The following ASIC2 variants were observed in gnomAD, a reference collection of about 807,000 sequenced individuals.
The protein encoded by ASIC2 is acid-sensing ion channel 2.
A neutral mutation model predicts 57.3 loss-of-function variants in ASIC2; 25 were observed. The ratio of observed to expected loss-of-function variants is 0.44; its 90% CI spans 0.32 to 0.61. The LOEUF is 0.61. Ranked by LOEUF, ASIC2 falls within the 20% of genes least tolerant of loss-of-function variation. The pLI is 0.06. For synonymous variants in ASIC2, 319 were observed against 307.5 expected (o/e 1.04, Z -0.39); for missense variants, 641 against 738.1 (o/e 0.87, Z 1.52).
At chr17:34,148,986 T>C (rs1330403495) in intron 1 of ASIC2, among the ~76,000 whole-genome samples, 2 of 152,122 alleles carry the variant, frequency 1.3e-5, no homozygotes, top group East Asian at 3.8e-4. Flanking sequence ...TACACACACA[T>C]GCACACAATA....
At chr17:33,593,451 A>G (rs1904887939) in intron 1 of ASIC2, among the ~76,000 whole-genome samples, 1 of 152,204 alleles carries the variant, frequency 6.6e-6, no homozygotes, top group African/African-American at 2.4e-5. Context: ...CTCAGAAATC[A>G]TCTCTTTCAG....
At chr17:33,846,673 G>A (rs528931953) in intron 1 of ASIC2, among the ~76,000 whole-genome samples, 20 of 151,640 alleles carry the variant, frequency 1.3e-4, no homozygotes, top group South Asian at 1.0e-3. Context: ...CAATAACACC[G>A]TCTACTTCTT....
chr17:33,546,837 C>T (rs770949393), intron 1 of ASIC2, among the ~76,000 whole-genome samples: 1 of 152,184 alleles, frequency 6.6e-6, no homozygotes, highest in Non-Finnish European at 1.5e-5. Context: ...TCACTCCCAG[C>T]TCCTCCTGCA....
At chr17:33,553,722 CA>C (rs1211384598) in intron 1 of ASIC2, among the ~76,000 whole-genome samples, 5 of 151,864 alleles carry the variant, frequency 3.3e-5, no homozygotes, top group African/African-American at 1.2e-4. Flanking sequence ...ATCTTTAACC[CA>C]ATTCATTCTC....
chr17:34,034,422 A>T (rs961207278), intron 1 of ASIC2, among the ~76,000 whole-genome samples: 1 of 152,134 alleles, frequency 6.6e-6, no homozygotes, highest in African/African-American at 2.4e-5. Flanking sequence ...ATGGGCAAAA[A>T]CTCGAAGCAT....
intron 1 of ASIC2, among the ~76,000 whole-genome samples, chr17:33,925,961 C>A (rs1915814012): frequency 1.3e-5 from 2 of 152,116 alleles, no homozygotes. Flanking sequence ...AATGACAAGA[C>A]TTTTTTTAGA....
intron 1 of ASIC2, among the ~76,000 whole-genome samples, chr17:33,619,917 C>T (rs376111912): frequency 4.6e-5 from 7 of 152,046 alleles, no homozygotes; most frequent in African/African-American, 9.6e-5. Flanking sequence ...AGAGCAATTG[C>T]GTCTCAAAAG....
rs371775709 is a variant in ASIC2 at position 33,552,421 on chromosome 17, C to T, written c.556-440354G>A. On this transcript the variant is annotated intron_variant, in intron 1 of 9. Transcript: ENST00000359872. ...CACAAAAGACCTTTGCCAACTCATGCTTTTTGCACTGATTTTTCTCTCCTG... is the reference window on the plus strand; with the variant it reads ...CACAAAAGACCTTTGCCAACTCATGTTTTTTGCACTGATTTTTCTCTCCTG... 7.5e-4 allele frequency among the ~76,000 whole-genome samples: 114 copies of T among 152,252 alleles called. 2 individuals are homozygous for T. Among genetic ancestry groups the T allele is most frequent in the African/African-American group, 2.7e-3 (114 of 41,552 alleles).
chr17:33,863,797 C>A (rs1914156682), intron 1 of ASIC2, among the ~76,000 whole-genome samples: 1 of 152,074 alleles, frequency 6.6e-6, no homozygotes. Flanking sequence ...AAAGAAAGAA[C>A]AAATCTTGGG....
intron 1 of ASIC2, among the ~76,000 whole-genome samples, chr17:33,854,297 G>A (rs317416): frequency 0.22 from 33,717 of 152,076 alleles, 4,274 homozygotes; most frequent in East Asian, 0.47. Flanking sequence ...TGATGTGCAG[G>A]CAGTATGCAT....
At chr17:33,030,113 T>A (rs1490756163) in intron 3 of ASIC2, among the ~76,000 whole-genome samples, 1 of 152,204 alleles carries the variant, frequency 6.6e-6, no homozygotes, top group Non-Finnish European at 1.5e-5. Context: ...ATCTATTTTT[T>A]AAAATCAACT....
At chr17:34,089,318 T>C (rs945875777) in intron 1 of ASIC2, among the ~76,000 whole-genome samples, 1 of 152,174 alleles carries the variant, frequency 6.6e-6, no homozygotes, top group South Asian at 2.1e-4. Context: ...ATGACACATA[T>C]GCACATGCCA....
At chr17:33,149,147 A>C (rs543354648) in intron 1 of ASIC2, among the ~76,000 whole-genome samples, 1 of 152,190 alleles carries the variant, frequency 6.6e-6, no homozygotes, top group African/African-American at 2.4e-5. Context: ...CTTGACATAT[A>C]TCTTTTCTGA....
intron 1 of ASIC2, among the ~76,000 whole-genome samples, chr17:33,798,537 G>C (rs1911988699): frequency 6.6e-6 from 1 of 152,184 alleles, no homozygotes; most frequent in East Asian, 1.9e-4. Flanking sequence ...CCAGCACCTG[G>C]CTCTGTGGAG....
At chr17:33,243,490 G>A (rs114555508) in intron 1 of ASIC2, among the ~76,000 whole-genome samples, 1,803 of 152,156 alleles carry the variant, frequency 0.012, 34 homozygotes, top group African/African-American at 0.041. Flanking sequence ...ACCTGAGGCC[G>A]GTTCCCAGGG....
intron 1 of ASIC2, among the ~76,000 whole-genome samples, chr17:33,537,844 C>T (rs1468356612): frequency 3.3e-5 from 5 of 152,264 alleles, no homozygotes; most frequent in African/African-American, 1.2e-4. Flanking sequence ...GTCAATGAAG[C>T]GTCAGAGTGT....
intron 3 of ASIC2, among the ~76,000 whole-genome samples, chr17:33,061,647 G>T (rs2092021077): frequency 2.0e-5 from 3 of 152,120 alleles, no homozygotes; most frequent in Non-Finnish European, 4.4e-5. Context: ...TCTCTGCCAG[G>T]CTTTGGTATC....
At chr17:33,050,715 A>G (rs2091971688) in intron 3 of ASIC2, among the ~76,000 whole-genome samples, 1 of 152,164 alleles carries the variant, frequency 6.6e-6, no homozygotes, top group Admixed American at 6.5e-5. Flanking sequence ...CTTTTCAAAG[A>G]GGAACAAATA....
At chr17:33,361,179 G>A (rs1178305617) in intron 1 of ASIC2, among the ~76,000 whole-genome samples, 2 of 152,216 alleles carry the variant, frequency 1.3e-5, no homozygotes, top group Non-Finnish European at 2.9e-5. Context: ...AAATGTCTAA[G>A]GAGGAATAAT....
Sources: allele counts gnomAD v4.1 joint callset (sites outside exome capture counted in the v4.1 genomes callset), GRCh38; gene constraint gnomAD v4.1.1; transcripts MANE v1.5; gene names NCBI Gene and HGNC (gene_info 2026-07-23, HGNC 2026-07-21).